ACLY: variants seen among roughly 807,000 people sequenced by gnomAD.
The protein encoded by ACLY is ATP-citrate synthase.
In ACLY, 41 loss-of-function variants were observed where a neutral mutation model predicts 133.0. That is an observed-to-expected ratio of 0.31 (90% CI 0.24 to 0.40). The LOEUF (loss-of-function observed/expected upper bound fraction) is 0.40, where lower values mean the gene tolerates loss of function less well. ACLY is among the 10% of genes least tolerant of loss of function. The probability of loss-of-function intolerance (pLI) is 1.00; values close to 1 mark genes in which losing one functional copy is unlikely to be tolerated. For missense variants in ACLY, 1,046 were observed against 1,453.8 expected (o/e 0.72, Z 4.56); for synonymous variants, 495 against 549.3 (o/e 0.90, Z 1.38).
At chr17:41,906,481 G>T in intron 8 of ACLY, 47 bp downstream of exon 8, 4 of 1,531,718 alleles carry the variant, frequency 2.6e-6, no homozygotes, top group Non-Finnish European at 3.6e-6. Flanking sequence ...ACATGTTGAT[G>T]CTGGGTAGAC....
chr17:41,930,034 T>C (rs2050298270), intron 1 of ACLY, among the ~76,000 whole-genome samples: 1 of 151,666 alleles, frequency 6.6e-6, no homozygotes, highest in South Asian at 2.1e-4. Context: ...TTTGGAGGAG[T>C]GGTGATGGTG....
chr17:41,896,603 G>T lies in ACLY; in HGVS notation c.1459+17C>A. The T allele has an allele frequency of 6.4e-7, 1 of 1,554,542 alleles. No homozygotes were observed. Among genetic ancestry groups the T allele is most frequent in the Non-Finnish European group, 8.7e-7 (1 of 1,149,674 alleles). ...CAAAGCCACACGCGGAGTGGGGGCA[G>T]GGTGGGGGCATCCTACCTTGCAGGG... On this transcript the variant is annotated intron_variant, in intron 14 of 28. Coordinates refer to ENST00000352035, the MANE Select transcript of ACLY (RefSeq NM_001096.3).
chr17:41,885,064 T>C (rs1555627924), intron 18 of ACLY, among the ~76,000 whole-genome samples: 1 of 152,060 alleles, frequency 6.6e-6, no homozygotes, highest in East Asian at 1.9e-4. Flanking sequence ...TGGGGGTCTC[T>C]ACCAAATTCG....
chr17:41,908,904 G>C (rs1236767409), intron 6 of ACLY, 85 bp downstream of exon 6: 1 of 1,125,914 alleles, frequency 8.9e-7, no homozygotes, highest in African/African-American at 1.5e-5. Context: ...CTGGCAAGTG[G>C]GAGTCTGGTT....
intron 21 of ACLY, 94 bp downstream of exon 21, chr17:41,878,703 G>A (rs1234441067): frequency 6.7e-7 from 1 of 1,486,732 alleles, no homozygotes; most frequent in Non-Finnish European, 9.3e-7. Flanking sequence ...AGAGGGACCA[G>A]GAATACATGA....
Position 41,897,978 on chromosome 17 carries a change from C to T in ACLY, c.1339-139G>A, listed in dbSNP as rs145705266. ...TCTTTATAAGCTGCTTCCAAAAGTA[C>T]TAATAATCCTCTAAGATACGAATTA... On this transcript the variant is annotated intron_variant, in intron 12 of 28. Coordinates refer to ENST00000352035, the MANE Select transcript of ACLY (RefSeq NM_001096.3). 45 of 699,388 alleles carry T rather than the reference C, an allele frequency of 6.4e-5. No homozygotes were observed. The African/African-American group carries it at 6.7e-4, about 10-fold the overall frequency. 43.3% of individuals were successfully genotyped at this position (699,388 alleles called of 1,614,324 possible). A position where few individuals can be genotyped will look rare whatever the true frequency, so the allele number is the denominator to read the frequency against.
chr17:41,918,691 G>C (rs1428699555), intron 1 of ACLY, among the ~76,000 whole-genome samples, 189 bp downstream of exon 1: 1 of 152,122 alleles, frequency 6.6e-6, no homozygotes, highest in Non-Finnish European at 1.5e-5. Context: ...GGGGAGGGGC[G>C]TCGACACGCG....
At chr17:41,917,271 G>A (rs568344303) in intron 1 of ACLY, among the ~76,000 whole-genome samples, 1 of 152,158 alleles carries the variant, frequency 6.6e-6, no homozygotes, top group South Asian at 2.1e-4. Flanking sequence ...TGTCAAACAA[G>A]TAACAGATGA....
chr17:41,909,157 A>T (rs1330442392), intron 5 of ACLY, 89 bp from the exon 6 acceptor site: 18 of 987,224 alleles, frequency 1.8e-5, no homozygotes, highest in Non-Finnish European at 2.7e-5. Flanking sequence ...TCTCACTGCC[A>T]CCGACAGCTC....
chr17:41,918,671 C>T (rs1191295302), intron 1 of ACLY, among the ~76,000 whole-genome samples: 1 of 152,002 alleles, frequency 6.6e-6, no homozygotes, highest in Non-Finnish European at 1.5e-5. Context: ...GTGTGTGTCG[C>T]GCGGGGGGAG....
chr17:41,868,971 T>C, intron 27 of ACLY, 72 bp downstream of exon 27: 1 of 1,436,872 alleles, frequency 7.0e-7, no homozygotes, highest in Non-Finnish European at 9.7e-7. Flanking sequence ...GAGTATGCAT[T>C]ACTTTTATAG....
At chr17:41,911,631 C>T (rs2049903468) in intron 3 of ACLY, among the ~76,000 whole-genome samples, 1 of 152,256 alleles carries the variant, frequency 6.6e-6, no homozygotes, top group East Asian at 1.9e-4. Context: ...GCCTGGGTAA[C>T]ATTCAAGACC....
Position 41,918,937 on chromosome 17 carries a change from C to G in ACLY, c.-81G>C. 1 of 1,289,412 alleles carries G rather than the reference C, an allele frequency of 7.8e-7. No homozygotes were observed. Among genetic ancestry groups the G allele is most frequent in the Non-Finnish European group, 1.0e-6 (1 of 988,718 alleles). 79.9% of individuals were successfully genotyped at this position (1,289,412 alleles called of 1,614,324 possible). A position where few individuals can be genotyped will look rare whatever the true frequency, so the allele number is the denominator to read the frequency against. ...ACAGGCCCGACGAACCCCGCAAAAT[C>G]CGGAGCACCCCAGCAGCCGGTAGCT... On this transcript the variant is annotated 5_prime_UTR_variant, in exon 1 of 29. Coordinates refer to ENST00000352035, the MANE Select transcript of ACLY (RefSeq NM_001096.3).
At chr17:41,905,451 C>G in intron 9 of ACLY, 71 bp downstream of exon 9, 1 of 1,595,972 alleles carries the variant, frequency 6.3e-7, no homozygotes, top group Non-Finnish European at 8.6e-7. Flanking sequence ...TCAGACGAAG[C>G]TGTCCCATTG....
chr17:41,917,449 A>G (rs2050080237), intron 1 of ACLY, among the ~76,000 whole-genome samples: 1 of 152,070 alleles, frequency 6.6e-6, no homozygotes, highest in Non-Finnish European at 1.5e-5. Context: ...TGAGTGACCC[A>G]GGATTGAGTT....
At chr17:41,925,115 A>G (rs2050227018) in intron 1 of ACLY, among the ~76,000 whole-genome samples, 2 of 151,662 alleles carry the variant, frequency 1.3e-5, no homozygotes. Context: ...CGCTCACTGC[A>G]ACCTCTGCCT....
rs1555630732 is a variant in ACLY at position 41,897,859 on chromosome 17, G to A, written c.1339-20C>T. The A allele has an allele frequency of 1.2e-6, 2 of 1,607,446 alleles. No homozygotes were observed. Among genetic ancestry groups the A allele is most frequent in the Admixed American group, 1.7e-5 (1 of 58,900 alleles). ...TGGCGTCTGGGGTGAGATAAGGAGA[G>A]AGTGTAAGAGGTAAGAGTCACACCT... is the stretch of plus-strand genomic sequence containing the variant. On this transcript the variant is annotated intron_variant, in intron 12 of 28. Transcript: ENST00000352035.
Position 41,904,612 on chromosome 17 carries a change from A to G in ACLY, c.1065+117T>C, listed in dbSNP as rs1358299806. 4.2e-6 allele frequency: 4 copies of G among 957,678 alleles called. No homozygotes were observed. In the African/African-American group the frequency reaches 6.4e-5, roughly 15 times the overall value. 59.3% of individuals were successfully genotyped at this position (957,678 alleles called of 1,614,324 possible). A position where few individuals can be genotyped will look rare whatever the true frequency, so the allele number is the denominator to read the frequency against. ...AGAGACCCTGGGGCAAGAGCTCCCT[A>G]CCTGACCTGGGAACTCATGGTAACT... is the stretch of plus-strand genomic sequence containing the variant. On this transcript the variant is annotated intron_variant, in intron 10 of 28. Transcript: ENST00000352035.
intron 12 of ACLY, among the ~76,000 whole-genome samples, chr17:41,898,128 T>C (rs1555630788): frequency 1.3e-5 from 2 of 152,128 alleles, no homozygotes; most frequent in Non-Finnish European, 2.9e-5. Flanking sequence ...TTCTTTTCTT[T>C]TGAGACGAAT....
Sources: allele counts gnomAD v4.1 joint callset (sites outside exome capture counted in the v4.1 genomes callset), GRCh38; gene constraint gnomAD v4.1.1; transcripts MANE v1.5; gene names NCBI Gene and HGNC (gene_info 2026-07-23, HGNC 2026-07-21).